DCT: variants seen among roughly 807,000 people sequenced by gnomAD.
DCT encodes the protein L-dopachrome tautomerase.
A neutral mutation model predicts 53.0 loss-of-function variants in DCT; 47 were observed. The observed-to-expected ratio is 0.89, with a 90% CI of 0.70 to 1.13. The LOEUF (loss-of-function observed/expected upper bound fraction) is 1.13. DCT is among the 50% of genes most tolerant of loss of function. DCT has a pLI of 0.00. For missense variants in DCT, 669 were observed against 637.4 expected, an observed-to-expected ratio of 1.05 and a Z score of -0.53; for synonymous variants, 244 against 237.0, an observed-to-expected ratio of 1.03 and a Z score of -0.27.
At chr13:94,485,179 T>A in the DCT span, among the ~76,000 whole-genome samples, 1 of 152,090 alleles carries the variant, frequency 6.6e-6, no homozygotes, top group African/African-American at 2.4e-5. Flanking sequence ...TCTTTGAACA[T>A]CCTGAAATTG....
At chr13:94,515,308 G>A in the DCT span, among the ~76,000 whole-genome samples, 1 of 152,228 alleles carries the variant, frequency 6.6e-6, no homozygotes, top group Non-Finnish European at 1.5e-5. Context: ...AGAAACTGCT[G>A]CAATAACCCA....
chr13:94,459,414 G>A (rs182419384), intron 6 of DCT, among the ~76,000 whole-genome samples: 2 of 152,276 alleles, frequency 1.3e-5, no homozygotes, highest in Admixed American at 1.3e-4. Flanking sequence ...GCTCCTATTA[G>A]CCAGGAAAGG....
intron 6 of DCT, among the ~76,000 whole-genome samples, chr13:94,453,349 T>C (rs1566816816): frequency 6.6e-6 from 1 of 152,038 alleles, no homozygotes. Context: ...ACAAAAAAAT[T>C]GAGATGGAAT....
chr13:94,501,223 CG>C, the DCT span, among the ~76,000 whole-genome samples: 1 of 152,022 alleles, frequency 6.6e-6, no homozygotes, highest in Non-Finnish European at 1.5e-5. Context: ...GAACGGAGAT[CG>C]CACCACTGCA....
At chr13:94,490,507 A>C in the DCT span, among the ~76,000 whole-genome samples, 1 of 129,148 alleles carries the variant, frequency 7.7e-6, no homozygotes, top group African/African-American at 3.5e-5. Flanking sequence ...TCGGTCTCAA[A>C]AAAAAAAAAA....
intron 7 of DCT, among the ~76,000 whole-genome samples, chr13:94,443,013 C>A (rs1280362174): frequency 6.6e-6 from 1 of 152,152 alleles, no homozygotes; most frequent in East Asian, 1.9e-4. Flanking sequence ...CACCCTAATC[C>A]CAGCCCTGCC....
the DCT span, among the ~76,000 whole-genome samples, chr13:94,498,760 A>C: frequency 6.6e-6 from 1 of 152,248 alleles, no homozygotes; most frequent in Non-Finnish European, 1.5e-5. Context: ...AGAGGATTGT[A>C]AATGCACCAA....
chr13:94,517,857 G>A, the DCT span, among the ~76,000 whole-genome samples: 1 of 152,046 alleles, frequency 6.6e-6, no homozygotes, highest in East Asian at 1.9e-4. Flanking sequence ...AAGAATGCTG[G>A]TAGCCACCAG....
At chr13:94,519,880 T>C in the DCT span, among the ~76,000 whole-genome samples, 9 of 152,110 alleles carry the variant, frequency 5.9e-5, no homozygotes, top group Non-Finnish European at 1.2e-4. Flanking sequence ...ATTCAAACAG[T>C]TAACTATGAG....
Position 94,472,554 on chromosome 13 carries a change from ATATATATATATATATTTTTTTTTTTTTT to A in DCT, c.296-3537_296-3510del, listed in dbSNP as rs1566855243. ...TATATATATATATATATATATATAT[ATATATATATATATATTTTTTTTTTTTTT>A]TTTTTTTTTTTTTTTTGTCAAGACA... On this transcript the variant is annotated intron_variant, in intron 1 of 7. Coordinates refer to ENST00000377028, the MANE Select transcript of DCT (RefSeq NM_001922.5). Among the ~76,000 whole-genome samples, 35 of 23,290 alleles carry A rather than the reference ATATATATATATATATTTTTTTTTTTTTT, an allele frequency of 1.5e-3. 2 individuals carry two copies. Among genetic ancestry groups the A allele is most frequent in the Admixed American group, 2.3e-3 (4 of 1,764 alleles). 15.3% of individuals were successfully genotyped at this position (23,290 alleles called of 152,430 possible).
chr13:94,543,840 G>A, the DCT span, among the ~76,000 whole-genome samples: 10 of 152,088 alleles, frequency 6.6e-5, no homozygotes, highest in African/African-American at 2.4e-4. Flanking sequence ...TTTGAGACCA[G>A]CCTGACCAAC....
chr13:94,525,562 C>T, the DCT span, among the ~76,000 whole-genome samples: 28 of 152,310 alleles, frequency 1.8e-4, no homozygotes, highest in Non-Finnish European at 2.5e-4. Context: ...TCCTTCATTG[C>T]GGCCTAATCA....
intron 4 of DCT, 24 bp downstream of exon 4, chr13:94,465,609 C>T (rs1368653086): frequency 1.2e-6 from 2 of 1,608,472 alleles, no homozygotes; most frequent in South Asian, 2.2e-5. Flanking sequence ...CTCTGGATGC[C>T]ATTGCAGGTA....
At chr13:94,444,075 G>T (rs1882553104) in intron 6 of DCT, among the ~76,000 whole-genome samples, 1 of 152,108 alleles carries the variant, frequency 6.6e-6, no homozygotes, top group Non-Finnish European at 1.5e-5. Context: ...TAACAGGAGA[G>T]AAAGAAAAAG....
chr13:94,503,678 T>C, the DCT span, among the ~76,000 whole-genome samples: 22 of 152,170 alleles, frequency 1.4e-4, no homozygotes, highest in African/African-American at 4.8e-4. Context: ...GAAGACAGGA[T>C]GGGTTCTACC....
chr13:94,481,105 C>T (rs1409051933), upstream of DCT, among the ~76,000 whole-genome samples: 1 of 152,222 alleles, frequency 6.6e-6, no homozygotes, highest in East Asian at 1.9e-4. Context: ...ATGTCTGCCA[C>T]AGCCCCATGG....
rs1197979302 is a variant in DCT at position 94,437,804 on chromosome 13, T to C, written c.*2094A>G. The C allele has an allele frequency of 1.3e-5, 2 of 152,242 alleles. No individual in the cohort carries two copies. The highest frequency in any genetic ancestry group is 1.9e-4 in the East Asian group (1 of 5,206). 9.4% of individuals were successfully genotyped at this position (152,242 alleles called of 1,614,324 possible). On this transcript the variant is annotated 3_prime_UTR_variant, in exon 8 of 8. Coordinates refer to ENST00000377028, the MANE Select transcript of DCT (RefSeq NM_001922.5). ...GCTAGAAAATTGTATTTCTCTTATA[T>C]GAACTACAAAATTAGGAAATTCTCT...
rs969711494 is a variant in DCT at position 94,436,935 on chromosome 13, A to G, written c.*2963T>C. 3.9e-5 allele frequency: 6 copies of G among 152,212 alleles called. No individual in the cohort carries two copies. The highest frequency in any genetic ancestry group is 3.3e-4 in the Admixed American group (5 of 15,280). 9.4% of individuals were successfully genotyped at this position (152,212 alleles called of 1,614,324 possible). A position where few individuals can be genotyped will look rare whatever the true frequency, so the allele number is the denominator to read the frequency against. On this transcript the variant is annotated 3_prime_UTR_variant, in exon 8 of 8. Transcript: ENST00000377028. ...CTTAGAGTCTCCAACAAATTGACCC[A>G]TCTTGAAGGCTTATCTGGGAGATCA...
At position 94,439,680 on chromosome 13, in the gene DCT, G is replaced by A; in HGVS notation, c.*218C>T. 2.7e-6 allele frequency: 1 copy of A among 373,502 alleles called. No individual in the cohort carries two copies. The highest frequency in any genetic ancestry group is 4.8e-6 in the Non-Finnish European group (1 of 209,708). The allele number at this position is 373,502 out of a possible 1,614,324, so 23.1% of individuals were successfully genotyped here. A position where few individuals can be genotyped will look rare whatever the true frequency, so the allele number is the denominator to read the frequency against. Reference sequence around the variant, plus strand: ...ATTGTCAGGTCTATCTTTATTTGAAGGTAGAGGTAGCCTCAAGCACTTTAG... The same window carrying A: ...ATTGTCAGGTCTATCTTTATTTGAAAGTAGAGGTAGCCTCAAGCACTTTAG... On this transcript the variant is annotated 3_prime_UTR_variant, in exon 8 of 8. Coordinates refer to ENST00000377028, the MANE Select transcript of DCT (RefSeq NM_001922.5).
Sources: gnomAD v4.1 joint callset for allele counts (sites outside exome capture counted in the v4.1 genomes callset) on GRCh38, gnomAD v4.1.1 for gene constraint, MANE v1.5 for transcripts, NCBI Gene and HGNC (gene_info 2026-07-23, HGNC 2026-07-21) for gene names.